The following TBC1D5 variants were observed in gnomAD, a reference collection of about 807,000 sequenced individuals.
TBC1D5 encodes the protein TBC1 domain family member 5, also known as TBC1 domain family, member 5.
In TBC1D5, 75 loss-of-function variants were observed where a neutral mutation model predicts 100.3. That is an observed-to-expected ratio of 0.75 (90% CI 0.62 to 0.91). TBC1D5 has a LOEUF of 0.91. TBC1D5 is among the 40% of genes least tolerant of loss of function. The pLI is 0.00. For missense variants in TBC1D5, 910 were observed against 942.4 expected (o/e 0.97, Z 0.45); for synonymous variants, 323 against 325.6 (o/e 0.99, Z 0.09).
intron 2 of TBC1D5, among the ~76,000 whole-genome samples, chr3:17,601,243 G>A (rs1269226768): frequency 1.3e-5 from 2 of 152,250 alleles, no homozygotes; most frequent in Non-Finnish European, 2.9e-5. Flanking sequence ...GGGTGCAGTG[G>A]CTCATGCCTG....
chr3:17,210,176 AT>A (rs981636358), intron 18 of TBC1D5, among the ~76,000 whole-genome samples: 8 of 150,664 alleles, frequency 5.3e-5, no homozygotes, highest in African/African-American at 1.7e-4. Context: ...GTTAGAAGTA[AT>A]TTTTTTTCAG....
intron 13 of TBC1D5, among the ~76,000 whole-genome samples, chr3:17,353,376 T>G (rs1353080018): frequency 6.6e-6 from 1 of 152,090 alleles, no homozygotes. Flanking sequence ...TACTTTTTAG[T>G]AATTTACTGC....
chr3:17,659,257 G>A (rs1479052386), intron 1 of TBC1D5, among the ~76,000 whole-genome samples: 3 of 152,166 alleles, frequency 2.0e-5, no homozygotes, highest in Non-Finnish European at 4.4e-5. Context: ...TGCTCACATG[G>A]AGCTAAATTC....
chr3:17,687,431 C>G (rs1254528783), intron 1 of TBC1D5, among the ~76,000 whole-genome samples: 2 of 152,012 alleles, frequency 1.3e-5, no homozygotes, highest in East Asian at 1.9e-4. Flanking sequence ...TAATAGTATA[C>G]TTTGTCAGCT....
At chr3:17,708,466 A>G (rs1443197082) in intron 1 of TBC1D5, among the ~76,000 whole-genome samples, 4 of 152,164 alleles carry the variant, frequency 2.6e-5, no homozygotes, top group Admixed American at 1.3e-4. Context: ...GTTTCTCTAA[A>G]AGACAGTTTC....
Position 17,238,429 on chromosome 3 carries a change from A to C in TBC1D5, c.1332-10T>G, listed in dbSNP as rs771516986. 2 of 1,602,432 alleles carry C rather than the reference A, an allele frequency of 1.2e-6. No individual in the cohort carries two copies. The highest frequency in any genetic ancestry group is 2.2e-5 in the South Asian group (2 of 89,406). Reference sequence around the variant, plus strand: ...ACCTTTGGCATTGGTCCTGTTAAAAAAAGAAATGGAGAAGCATTATTTACA... The same window carrying C: ...ACCTTTGGCATTGGTCCTGTTAAAACAAGAAATGGAGAAGCATTATTTACA... On this transcript the variant is annotated splice_polypyrimidine_tract_variant and intron_variant, in intron 16 of 21. Coordinates refer to ENST00000253692, the Ensembl canonical transcript of TBC1D5.
chr3:17,527,510 A>G (rs1467947172), intron 2 of TBC1D5, among the ~76,000 whole-genome samples: 1 of 152,170 alleles, frequency 6.6e-6, no homozygotes, highest in Non-Finnish European at 1.5e-5. Context: ...ACATGATATG[A>G]TCTATTCTTT....
rs1401592031 is a variant in TBC1D5, at chr3:17,592,064, T to C, written c.-36+31785A>G. On this transcript the variant is annotated intron_variant, in intron 2 of 21. Coordinates refer to ENST00000253692, the Ensembl canonical transcript of TBC1D5. The stretch of plus-strand genomic sequence containing the variant: ...GCAAATTAACACATCTCCTGGTACA[T>C]GGTATGCAGCCATTGACCTGGCAAA... Among the ~76,000 whole-genome samples, 8 of 152,242 alleles carry C rather than the reference T, an allele frequency of 5.3e-5. No individual in the cohort carries two copies. The East Asian group carries it at 1.5e-3, about 29-fold the overall frequency.
At chr3:17,178,999 A>C (rs1202160589) in intron 19 of TBC1D5, among the ~76,000 whole-genome samples, 1 of 151,752 alleles carries the variant, frequency 6.6e-6, no homozygotes, top group Non-Finnish European at 1.5e-5. Context: ...GGCAGTCGCT[A>C]TTCACAGGCC....
chr3:17,202,090 C>T (rs2071532047), intron 18 of TBC1D5, among the ~76,000 whole-genome samples: 1 of 152,124 alleles, frequency 6.6e-6, no homozygotes, highest in African/African-American at 2.4e-5. Context: ...GACCAAAATG[C>T]TGATAGTGAT....
At chr3:17,428,561 T>A in intron 3 of TBC1D5, 42 bp from the exon 4 acceptor site, 1 of 1,148,290 alleles carries the variant, frequency 8.7e-7, no homozygotes, top group Non-Finnish European at 1.2e-6. Flanking sequence ...GGAGATAAAC[T>A]GAATATTTCA....
chr3:17,420,246 G>A (rs1354179093), intron 4 of TBC1D5, among the ~76,000 whole-genome samples: 1 of 151,400 alleles, frequency 6.6e-6, no homozygotes, highest in Non-Finnish European at 1.5e-5. Context: ...CGTTGAAAAA[G>A]CACTTGTGAA....
chr3:17,626,628 C>T (rs1415520961), intron 1 of TBC1D5, among the ~76,000 whole-genome samples: 1 of 152,008 alleles, frequency 6.6e-6, no homozygotes, highest in Non-Finnish European at 1.5e-5. Context: ...AGAACCATTG[C>T]AGAAAGACTT....
At chr3:17,410,208 G>C (rs1176671806) in intron 4 of TBC1D5, among the ~76,000 whole-genome samples, 1 of 152,106 alleles carries the variant, frequency 6.6e-6, no homozygotes, top group Non-Finnish European at 1.5e-5. Flanking sequence ...CGTATAAATG[G>C]AATAACAAAG....
chr3:17,437,292 A>G (rs528514435), intron 3 of TBC1D5, among the ~76,000 whole-genome samples: 1 of 152,316 alleles, frequency 6.6e-6, no homozygotes, highest in South Asian at 2.1e-4. Context: ...CTATGATAAC[A>G]CAAAACAGAC....
At chr3:17,563,766 T>G (rs1467970010) in intron 2 of TBC1D5, among the ~76,000 whole-genome samples, 1 of 151,868 alleles carries the variant, frequency 6.6e-6, no homozygotes, top group Admixed American at 6.6e-5. Context: ...TGTTGTTGTT[T>G]TTGTTTTTTG....
intron 1 of TBC1D5, chr3:17,672,775 A>C (rs1004158988): frequency 3.9e-5 from 6 of 152,266 alleles, no homozygotes; most frequent in Admixed American, 2.6e-4. Context: ...AAATTGCCTA[A>C]GGATGCTGCC....
At chr3:17,742,173 C>T (rs1001600346), upstream of TBC1D5, among the ~76,000 whole-genome samples, 2 of 151,966 alleles carry the variant, frequency 1.3e-5, no homozygotes, top group African/African-American at 4.8e-5. Flanking sequence ...TCGCCCTGCC[C>T]GCCCTGCCCG....
intron 13 of TBC1D5, among the ~76,000 whole-genome samples, chr3:17,320,127 A>C (rs189378218): frequency 6.6e-6 from 1 of 152,286 alleles, no homozygotes; most frequent in African/African-American, 2.4e-5. Flanking sequence ...GTGTAAATAT[A>C]TCTTGGAAGC....
Sources: allele counts gnomAD v4.1 joint callset (sites outside exome capture counted in the v4.1 genomes callset), GRCh38; gene constraint gnomAD v4.1.1; transcripts MANE v1.5; gene names NCBI Gene and HGNC (gene_info 2026-07-23, HGNC 2026-07-21).